The following SSX2IP variants were observed in gnomAD, a reference collection of about 807,000 sequenced individuals.
The protein encoded by SSX2IP is afadin- and alpha-actinin-binding protein.
SSX2IP carries 55 observed loss-of-function variants against 84.9 expected under a neutral mutation model. The ratio of observed to expected loss-of-function variants is 0.65; its 90% confidence interval spans 0.52 to 0.81. SSX2IP has a LOEUF of 0.81. Ranked by LOEUF, SSX2IP falls within the 30% of genes least tolerant of loss-of-function variation. The pLI is 0.00. For missense variants in SSX2IP, 664 were observed against 705.2 expected (o/e 0.94, Z 0.66); for synonymous variants, 239 against 234.7 (o/e 1.02, Z -0.17).
At chr1:84,648,814 A>G (rs974372226) in intron 13 of SSX2IP, among the ~76,000 whole-genome samples, 4 of 152,142 alleles carry the variant, frequency 2.6e-5, no homozygotes, top group African/African-American at 9.7e-5. Context: ...ATAAACTTTC[A>G]CTTCCCATAT....
At chr1:84,685,003 G>T (rs1243729895) in intron 1 of SSX2IP, among the ~76,000 whole-genome samples, 1 of 151,980 alleles carries the variant, frequency 6.6e-6, no homozygotes. Context: ...TATGCACAGG[G>T]TTAGGTGGTA....
At chr1:84,679,182 C>T (rs549320310) in intron 1 of SSX2IP, among the ~76,000 whole-genome samples, 1 of 152,132 alleles carries the variant, frequency 6.6e-6, no homozygotes, top group Non-Finnish European at 1.5e-5. Context: ...CTCTTAAAAA[C>T]TAGATATATT....
At chr1:84,684,300 T>C (rs1254189868) in intron 1 of SSX2IP, among the ~76,000 whole-genome samples, 5 of 152,192 alleles carry the variant, frequency 3.3e-5, no homozygotes, top group Non-Finnish European at 5.9e-5. Context: ...CTGACAAAGT[T>C]TGAGAATCAC....
chr1:84,686,194 T>G (rs1406768912), intron 1 of SSX2IP, among the ~76,000 whole-genome samples: 1 of 152,208 alleles, frequency 6.6e-6, no homozygotes, highest in African/African-American at 2.4e-5. Flanking sequence ...TTTTAAAATT[T>G]TTTTACAAAA....
In SSX2IP at chr1:84,650,373, T is replaced by A; in HGVS notation, c.1659A>T (p.Ile553=). ...CTATAGACAAATACCTATGTTCAGA[T>A]ATGCAGGAACGTGTCTGGCAAAAGT... ...TSDFCQTRSC[I]SEHSSINVLN... is the part of the protein sequence containing the mutation. The change falls in exon 13 of 14, where the codon ATA becomes ATT. Residue 553 remains isoleucine, a synonymous_variant. Coordinates refer to ENST00000342203, the MANE Select transcript of SSX2IP (RefSeq NM_001166293.2). 1 of 1,614,188 alleles carries A rather than the reference T, an allele frequency of 6.2e-7. No homozygotes were observed. Among genetic ancestry groups the A allele is most frequent in the Non-Finnish European group, 8.5e-7 (1 of 1,180,020 alleles).
At chr1:84,656,033 C>A in intron 10 of SSX2IP, 28 bp from the exon 11 acceptor site, 1 of 1,590,118 alleles carries the variant, frequency 6.3e-7, no homozygotes, top group Non-Finnish European at 8.6e-7. Context: ...ATAGTAAGTT[C>A]CTGAGGGACC....
chr1:84,667,755 T>C (rs1652966806), intron 4 of SSX2IP, among the ~76,000 whole-genome samples: 1 of 152,148 alleles, frequency 6.6e-6, no homozygotes, highest in Admixed American at 6.6e-5. Context: ...ACAAGTCATA[T>C]ACTCTGCCTA....
rs1055867935 is a variant in SSX2IP, at chr1:84,677,855, C to T, written c.-89-6547G>A. On this transcript the variant is annotated intron_variant, in intron 1 of 13. Transcript: ENST00000342203. The stretch of plus-strand genomic sequence containing the variant: ...TTCAAACCCTGAGATGACTGCAGCC[C>T]TGTCCAACACCTTGACAGCCTAGTC... Among the ~76,000 whole-genome samples the T allele has an allele frequency of 1.4e-4, 22 of 152,248 alleles. No individual in the cohort carries two copies. In the East Asian group the frequency reaches 4.2e-3, roughly 29 times the overall value.
chr1:84,674,694 C>T (rs920999438), intron 1 of SSX2IP, among the ~76,000 whole-genome samples: 1 of 152,120 alleles, frequency 6.6e-6, no homozygotes, highest in Non-Finnish European at 1.5e-5. Context: ...GTGAATTGTT[C>T]CCTGCCCTAT....
intron 1 of SSX2IP, among the ~76,000 whole-genome samples, chr1:84,687,624 T>C (rs1655980202): frequency 1.3e-5 from 2 of 152,364 alleles, no homozygotes; most frequent in Middle Eastern, 3.4e-3. Context: ...ACTTCAAGTC[T>C]AACTGCTGTG....
intron 1 of SSX2IP, among the ~76,000 whole-genome samples, chr1:84,683,784 A>C (rs1343603767): frequency 6.6e-6 from 1 of 152,218 alleles, no homozygotes. Flanking sequence ...CGTAATCTTG[A>C]TTGGTAACAG....
chr1:84,647,368 C>A lies in SSX2IP; in HGVS notation c.*65G>T. ...TAGAGATAACTGACTTTATGACACACCCTGTTTCAACTTAGATGTGAAACT... is the reference window on the plus strand; with the variant it reads ...TAGAGATAACTGACTTTATGACACAACCTGTTTCAACTTAGATGTGAAACT... On this transcript the variant is annotated 3_prime_UTR_variant, in exon 14 of 14. Coordinates refer to ENST00000342203, the MANE Select transcript of SSX2IP (RefSeq NM_001166293.2). 7.1e-7 allele frequency: 1 copy of A among 1,399,162 alleles called. No individual in the cohort carries two copies. 86.7% of individuals were successfully genotyped at this position (1,399,162 alleles called of 1,614,324 possible). A position where few individuals can be genotyped will look rare whatever the true frequency, so the allele number is the denominator to read the frequency against.
chr1:84,685,072 G>A (rs933771017), intron 1 of SSX2IP, among the ~76,000 whole-genome samples: 1 of 152,166 alleles, frequency 6.6e-6, no homozygotes, highest in African/African-American at 2.4e-5. Context: ...ATGAGCCAAG[G>A]AATATAAACT....
chr1:84,658,052 C>T (rs1651385702), intron 9 of SSX2IP, among the ~76,000 whole-genome samples: 1 of 152,146 alleles, frequency 6.6e-6, no homozygotes, highest in Admixed American at 6.5e-5. Context: ...GGAGAAATAA[C>T]TTGAACCTGG....
In SSX2IP at chr1:84,666,124, C is replaced by A; in HGVS notation, c.535G>T (p.Glu179Ter). The A allele has an allele frequency of 6.2e-7, 1 of 1,607,240 alleles. No individual in the cohort carries two copies. The highest frequency in any genetic ancestry group is 8.5e-7 in the Non-Finnish European group (1 of 1,176,360). ...LHQLLKNEKD[E>*]VQKLQNIIAS... The stretch of plus-strand genomic sequence containing the variant: ...ATCTGCAATAACTGACAACTCACCT[C>A]ATCTTTCTCATTCTTTAGTAGCTGA... Residue 179 changes from glutamate to a stop codon, truncating the protein, a stop_gained and splice_region_variant, in exon 5 of 14, where the codon GAG becomes TAG. Transcript: ENST00000342203. LOFTEE classifies it high-confidence loss of function.
At position 84,670,796 on chromosome 1, in the gene SSX2IP, T is replaced by G. The variant is rs140118316; in HGVS notation, c.63A>C (p.Gln21His). The G allele has an allele frequency of 2.5e-6, 4 of 1,608,720 alleles. No homozygotes were observed. Among genetic ancestry groups the G allele is most frequent in the Non-Finnish European group, 3.4e-6 (4 of 1,177,926 alleles). ...GLSSESKTIS[Q>H]YTSETKMSPS... ...GAGACATCTTTGTTTCTGAGGTATA[T>G]TGAGAGATAGTTTTGCTTTCTGAAA... Residue 21 changes from glutamine (Q) to histidine (H), a missense_variant, in exon 3 of 14, where the codon CAA (glutamine) becomes CAC (histidine). Physicochemically the swap from Gln to His is conservative, Grantham distance 24. Coordinates refer to ENST00000342203, the MANE Select transcript of SSX2IP (RefSeq NM_001166293.2).
intron 13 of SSX2IP, among the ~76,000 whole-genome samples, chr1:84,648,846 C>G (rs1480839626): frequency 6.6e-6 from 1 of 152,162 alleles, no homozygotes; most frequent in Non-Finnish European, 1.5e-5. Flanking sequence ...ACTGGTCTAA[C>G]TTCAAAATAG....
Position 84,668,811 on chromosome 1 carries a change from A to T in SSX2IP, c.426+870T>A, listed in dbSNP as rs368532232. Among the ~76,000 whole-genome samples the T allele has an allele frequency of 2.6e-5, 4 of 152,212 alleles. No individual in the cohort carries two copies. In the East Asian group the frequency reaches 5.8e-4, roughly 22 times the overall value. ...TGGGGGAGGATGTACACAAAGAAAA[A>T]TAAGGAAAAGTAAACGGGCATGGAC... On this transcript the variant is annotated intron_variant, in intron 4 of 13. Transcript: ENST00000342203.
rs1033193961 is a variant in SSX2IP, at chr1:84,671,085, C to T, written c.43+92G>A. 7 of 1,436,354 alleles carry T rather than the reference C, an allele frequency of 4.9e-6. No homozygotes were observed. The African/African-American group carries it at 1.0e-4, about 21-fold the overall frequency. The allele number at this position is 1,436,354 out of a possible 1,614,324, so 89.0% of individuals were successfully genotyped here. A position where few individuals can be genotyped will look rare whatever the true frequency, so the allele number is the denominator to read the frequency against. On this transcript the variant is annotated intron_variant, in intron 2 of 13. Transcript: ENST00000342203. ...ACGATTTGTCTCTCTTTAGTCACAT[C>T]TTCAACATCTGCAGTAATTATTTTA...
Sources: allele counts gnomAD v4.1 joint callset (sites outside exome capture counted in the v4.1 genomes callset), GRCh38; gene constraint gnomAD v4.1.1; transcripts MANE v1.5; gene names NCBI Gene and HGNC (gene_info 2026-07-23, HGNC 2026-07-21).